Variants in USH1G observed in about 807,000 individuals in gnomAD.
USH1G encodes the protein USH1 protein network component sans, also known as pre-mRNA splicing regulator USH1G.
Under a neutral mutation model 31.9 loss-of-function variants are expected in USH1G, and 27 were observed. The observed-to-expected ratio is 0.85, with a 90% CI of 0.62 to 1.17. The LOEUF (loss-of-function observed/expected upper bound fraction) is 1.17. Ranked by LOEUF, USH1G falls within the 50% of genes most tolerant of loss-of-function variation. USH1G has a pLI of 0.00. For missense variants in USH1G, 674 were observed against 638.9 expected, an observed-to-expected ratio of 1.05 and a Z score of -0.59; for synonymous variants, 266 against 283.2, an observed-to-expected ratio of 0.94 and a Z score of 0.61.
Position 74,920,731 on chromosome 17 carries a change from G to A in USH1G, c.165-60C>T. The A allele has an allele frequency of 1.9e-6, 3 of 1,602,616 alleles. No individual in the cohort carries two copies. The highest frequency in any genetic ancestry group is 2.6e-6 in the Non-Finnish European group (3 of 1,173,666). On this transcript the variant is annotated intron_variant, in intron 1 of 2. Transcript: ENST00000614341. The surrounding 1 kb of genome is among the most constrained non-coding windows in gnomAD (Gnocchi z 5.2). ...AGTCCTGGCTGGGGATGGAGGTGGA[G>A]GGAGTGGAGGGGGGAGGGGAGCTTC...
rs1221920002 is a variant in USH1G at position 74,916,636 on chromosome 17, G to T, written c.*1437C>A. On this transcript the variant is annotated 3_prime_UTR_variant, in exon 3 of 3. Coordinates refer to ENST00000614341, the MANE Select transcript of USH1G (RefSeq NM_173477.5). ...CAAAGGGGCGCACACGTGTCAGCGG[G>T]CTCATCAGGGACTCTCCCACATCTG... 6.6e-6 allele frequency: 1 copy of T among 152,266 alleles called. No homozygotes were observed. Among genetic ancestry groups the T allele is most frequent in the Non-Finnish European group, 1.5e-5 (1 of 68,090 alleles). 9.4% of individuals were successfully genotyped at this position (152,266 alleles called of 1,614,324 possible).
Position 74,920,569 on chromosome 17 carries a change from G to T in USH1G, c.267C>A (p.Ala89=), listed in dbSNP as rs1450495091. 1 of 1,613,824 alleles carries T rather than the reference G, an allele frequency of 6.2e-7. No individual in the cohort carries two copies. The highest frequency in any genetic ancestry group is 1.7e-5 in the Admixed American group (1 of 60,024). Residue 89 remains alanine (A), a synonymous_variant, in exon 2 of 3, where the codon GCC becomes GCA. Coordinates refer to ENST00000614341, the MANE Select transcript of USH1G (RefSeq NM_173477.5). This position sits in a 1 kb window ranked among gnomAD's most constrained non-coding sequence, Gnocchi z 5.2. ...HCLSFLVSFG[A]NIWCLDNDYH... is the part of the protein sequence containing the mutation. Reference sequence around the variant, plus strand: ...AGTCGTTGTCTAGGCACCAGATGTTGGCTCCGAAGGACACCAGGAAGGACA... The same window carrying T: ...AGTCGTTGTCTAGGCACCAGATGTTTGCTCCGAAGGACACCAGGAAGGACA...
chr17:74,923,091 G>A lies in USH1G; in HGVS notation c.-18C>T, dbSNP rs1272530288. ...TCGTTCATGGCGCCCGAAGTGGACG[G>A]GGCGGGCGGGGGACACGGAGAAAGG... On this transcript the variant is annotated 5_prime_UTR_variant, in exon 1 of 3. Transcript: ENST00000614341. The surrounding 1 kb of genome is among the most constrained non-coding windows in gnomAD (Gnocchi z 5.3). The A allele has an allele frequency of 6.4e-7, 1 of 1,561,158 alleles. No homozygotes were observed. Among genetic ancestry groups the A allele is most frequent in the African/African-American group, 1.4e-5 (1 of 74,026 alleles).
In USH1G at chr17:74,917,838, C is replaced by T. The variant is rs1041163836; in HGVS notation, c.*235G>A. The T allele has an allele frequency of 3.3e-6, 2 of 598,014 alleles. No homozygotes were observed. The highest frequency in any genetic ancestry group is 1.9e-5 in the African/African-American group (1 of 53,722). 37.0% of individuals were successfully genotyped at this position (598,014 alleles called of 1,614,324 possible). A position where few individuals can be genotyped will look rare whatever the true frequency, so the allele number is the denominator to read the frequency against. ...TTACGGCTGCTCAGAATGGGTGGCTCAGGGCCTTCAAGACCCCTCAGAACT... is the reference window on the plus strand; with the variant it reads ...TTACGGCTGCTCAGAATGGGTGGCTTAGGGCCTTCAAGACCCCTCAGAACT... On this transcript the variant is annotated 3_prime_UTR_variant, in exon 3 of 3. Transcript: ENST00000614341.
At position 74,918,077 on chromosome 17, in the gene USH1G, C is replaced by G. The variant is rs779827463; in HGVS notation, c.1383-1G>C. ...TCTGGGGAGAGGAGCCCCCGGTTAT[C>G]TGTGGAGGAAGAGACAGAAAGAAAC... is the stretch of plus-strand genomic sequence containing the variant. On this transcript the variant is annotated splice_acceptor_variant, in intron 2 of 2. Transcript: ENST00000614341. LOFTEE classifies it high-confidence loss of function. The surrounding 1 kb of genome is among the most constrained non-coding windows in gnomAD (Gnocchi z 4.1). The G allele has an allele frequency of 6.2e-7, 1 of 1,614,110 alleles. No homozygotes were observed. Among genetic ancestry groups the G allele is most frequent in the Admixed American group, 1.7e-5 (1 of 60,010 alleles).
At position 74,923,139 on chromosome 17, in the gene USH1G, G is replaced by A; in HGVS notation, c.-66C>T. On this transcript the variant is annotated 5_prime_UTR_variant, in exon 1 of 3. Transcript: ENST00000614341. This position sits in a 1 kb window ranked among gnomAD's most constrained non-coding sequence, Gnocchi z 5.3. Reference sequence around the variant, plus strand: ...AGGCCCCCCGCAGGGGAGGGCGGCGGTATTAGGGCTGAGGCATGAGGTTGG... The same window carrying A: ...AGGCCCCCCGCAGGGGAGGGCGGCGATATTAGGGCTGAGGCATGAGGTTGG... The A allele has an allele frequency of 6.8e-7, 1 of 1,469,718 alleles. No homozygotes were observed. Among genetic ancestry groups the A allele is most frequent in the South Asian group, 1.3e-5 (1 of 75,644 alleles). The allele number at this position is 1,469,718 out of a possible 1,614,324, so 91.0% of individuals were successfully genotyped here.
In USH1G at chr17:74,920,821, G is replaced by A. The variant is rs1280759383; in HGVS notation, c.165-150C>T. 4.2e-6 allele frequency: 5 copies of A among 1,203,664 alleles called. No homozygotes were observed. In the Admixed American group the frequency reaches 8.7e-5, roughly 21 times the overall value. 74.6% of individuals were successfully genotyped at this position (1,203,664 alleles called of 1,614,324 possible). A position where few individuals can be genotyped will look rare whatever the true frequency, so the allele number is the denominator to read the frequency against. On this transcript the variant is annotated intron_variant, in intron 1 of 2. Coordinates refer to ENST00000614341, the MANE Select transcript of USH1G (RefSeq NM_173477.5). The surrounding 1 kb of genome is among the most constrained non-coding windows in gnomAD (Gnocchi z 5.2). ...AGATCTCTCCCACTCCAGGAGACCT[G>A]CAGGCCTGAGCCACCCAACAGGTGA...
chr17:74,922,584 C>G (rs879857915), intron 1 of USH1G, among the ~76,000 whole-genome samples: 1 of 152,014 alleles, frequency 6.6e-6, no homozygotes, highest in Non-Finnish European at 1.5e-5. Context: ...ACCTTCTCTC[C>G]GAGTCTCACT....
At position 74,920,820 on chromosome 17, in the gene USH1G, T is replaced by C. The variant is rs2038934389; in HGVS notation, c.165-149A>G. 2.4e-6 allele frequency: 3 copies of C among 1,260,752 alleles called. No individual in the cohort carries two copies. The highest frequency in any genetic ancestry group is 2.1e-5 in the Admixed American group (1 of 47,026). The allele number at this position is 1,260,752 out of a possible 1,614,324, so 78.1% of individuals were successfully genotyped here. A position where few individuals can be genotyped will look rare whatever the true frequency, so the allele number is the denominator to read the frequency against. On this transcript the variant is annotated intron_variant, in intron 1 of 2. Coordinates refer to ENST00000614341, the MANE Select transcript of USH1G (RefSeq NM_173477.5). The surrounding 1 kb of genome is among the most constrained non-coding windows in gnomAD (Gnocchi z 5.2). Reference sequence around the variant, plus strand: ...GAGATCTCTCCCACTCCAGGAGACCTGCAGGCCTGAGCCACCCAACAGGTG... The same window carrying C: ...GAGATCTCTCCCACTCCAGGAGACCCGCAGGCCTGAGCCACCCAACAGGTG...
chr17:74,922,289 C>T (rs1431122887), intron 1 of USH1G, among the ~76,000 whole-genome samples: 1 of 151,684 alleles, frequency 6.6e-6, no homozygotes, highest in Non-Finnish European at 1.5e-5. Context: ...AGAGAAGCCC[C>T]TTCAGGGTGA....
Position 74,917,699 on chromosome 17 carries a change from G to T in USH1G, c.*374C>A. 1 of 329,330 alleles carries T rather than the reference G, an allele frequency of 3.0e-6. No homozygotes were observed. The highest frequency in any genetic ancestry group is 5.8e-6 in the Non-Finnish European group (1 of 172,180). The allele number at this position is 329,330 out of a possible 1,614,324, so 20.4% of individuals were successfully genotyped here. ...AGACCATCAGGGGAGGGGTGGGAGA[G>T]GCCACGGCGCCCGGGACAGGTGCAC... is the stretch of plus-strand genomic sequence containing the variant. On this transcript the variant is annotated 3_prime_UTR_variant, in exon 3 of 3. Coordinates refer to ENST00000614341, the MANE Select transcript of USH1G (RefSeq NM_173477.5).
In USH1G at chr17:74,918,411, G is replaced by A. The variant is rs922840572; in HGVS notation, c.1383-335C>T. The stretch of plus-strand genomic sequence containing the variant: ...GCATGACCATTGTGGTGGCAGCCTT[G>A]GGCAACTATGACGGCCTTTGGAACA... On this transcript the variant is annotated intron_variant, in intron 2 of 2. Coordinates refer to ENST00000614341, the MANE Select transcript of USH1G (RefSeq NM_173477.5). The surrounding 1 kb of genome is among the most constrained non-coding windows in gnomAD (Gnocchi z 4.1). 6.6e-6 allele frequency among the ~76,000 whole-genome samples: 1 copy of A among 152,212 alleles called. No homozygotes were observed. The highest frequency in any genetic ancestry group is 1.5e-5 in the Non-Finnish European group (1 of 68,042).
In USH1G at chr17:74,919,436, G is replaced by A. The variant is rs368389700; in HGVS notation, c.1382+18C>T. On this transcript the variant is annotated intron_variant, in intron 2 of 2. Transcript: ENST00000614341. The surrounding 1 kb of genome is among the most constrained non-coding windows in gnomAD (Gnocchi z 4.5). ...CAACTCCTGCTCCTCCATCCCCCCC[G>A]CCAGGCTGGACACTCACAGCTCTGT... 2.8e-4 allele frequency: 371 copies of A among 1,339,936 alleles called. No individual in the cohort carries two copies. Among genetic ancestry groups the A allele is most frequent in the Non-Finnish European group, 3.4e-4 (352 of 1,031,740 alleles). 83.0% of individuals were successfully genotyped at this position (1,339,936 alleles called of 1,614,324 possible).
At position 74,919,322 on chromosome 17, in the gene USH1G, G is replaced by A. The variant is rs77815441; in HGVS notation, c.1382+132C>T. On this transcript the variant is annotated intron_variant, in intron 2 of 2. Coordinates refer to ENST00000614341, the MANE Select transcript of USH1G (RefSeq NM_173477.5). This position sits in a 1 kb window ranked among gnomAD's most constrained non-coding sequence, Gnocchi z 4.5. ...TAAAATAAGGGTGCCTTTTATCATCGATGGCCTCATTTCGATTTTATGAAA... is the reference window on the plus strand; with the variant it reads ...TAAAATAAGGGTGCCTTTTATCATCAATGGCCTCATTTCGATTTTATGAAA... 980 of 1,370,926 alleles carry A rather than the reference G, an allele frequency of 7.1e-4. 10 individuals carry two copies. The East Asian group carries it at 0.021, about 30-fold the overall frequency. 84.9% of individuals were successfully genotyped at this position (1,370,926 alleles called of 1,614,324 possible). A position where few individuals can be genotyped will look rare whatever the true frequency, so the allele number is the denominator to read the frequency against.
At position 74,920,534 on chromosome 17, in the gene USH1G, G is replaced by A. The variant is rs1342493428; in HGVS notation, c.302C>T (p.Pro101Leu). 1 of 1,613,746 alleles carries A rather than the reference G, an allele frequency of 6.2e-7. No individual in the cohort carries two copies. Among genetic ancestry groups the A allele is most frequent in the Non-Finnish European group, 8.5e-7 (1 of 1,180,036 alleles). The part of the protein sequence containing the change: ...IWCLDNDYHT[P>L]LDMAAMKGHM... ...GCCCTTCATGGCAGCCATGTCCAGCGGCGTGTGGTAGTCGTTGTCTAGGCA... is the reference window on the plus strand; with the variant it reads ...GCCCTTCATGGCAGCCATGTCCAGCAGCGTGTGGTAGTCGTTGTCTAGGCA... Residue 101 changes from proline (P) to leucine (L), a missense_variant, in exon 2 of 3, where the codon CCG (proline) becomes CTG (leucine). Pro to Leu is a moderately conservative substitution (Grantham distance 98). Coordinates refer to ENST00000614341, the MANE Select transcript of USH1G (RefSeq NM_173477.5). This position sits in a 1 kb window ranked among gnomAD's most constrained non-coding sequence, Gnocchi z 5.2.
Position 74,918,090 on chromosome 17 carries a change from G to C in USH1G, c.1383-14C>G. 1 of 1,613,976 alleles carries C rather than the reference G, an allele frequency of 6.2e-7. No individual in the cohort carries two copies. The highest frequency in any genetic ancestry group is 8.5e-7 in the Non-Finnish European group (1 of 1,179,948). On this transcript the variant is annotated splice_polypyrimidine_tract_variant and intron_variant, in intron 2 of 2. Coordinates refer to ENST00000614341, the MANE Select transcript of USH1G (RefSeq NM_173477.5). The surrounding 1 kb of genome is among the most constrained non-coding windows in gnomAD (Gnocchi z 4.1). ...GCCCCCGGTTATCTGTGGAGGAAGAGACAGAAAGAAACAGATCTCACATGA... is the reference window on the plus strand; with the variant it reads ...GCCCCCGGTTATCTGTGGAGGAAGACACAGAAAGAAACAGATCTCACATGA...
In USH1G at chr17:74,918,805, T is replaced by A. The variant is rs1165221569; in HGVS notation, c.1382+649A>T. On this transcript the variant is annotated intron_variant, in intron 2 of 2. Coordinates refer to ENST00000614341, the MANE Select transcript of USH1G (RefSeq NM_173477.5). This position sits in a 1 kb window ranked among gnomAD's most constrained non-coding sequence, Gnocchi z 4.1. ...AGCCTGGATGACAAGAGGGAAACTGTCTCAAAAAAAAAAAAAAAAAAATCT... is the reference window on the plus strand; with the variant it reads ...AGCCTGGATGACAAGAGGGAAACTGACTCAAAAAAAAAAAAAAAAAAATCT... 1.9e-4 allele frequency among the ~76,000 whole-genome samples: 27 copies of A among 139,332 alleles called. No individual in the cohort carries two copies. The highest frequency in any genetic ancestry group is 1.0e-3 in the East Asian group (5 of 4,964). 91.4% of individuals were successfully genotyped at this position (139,332 alleles called of 152,430 possible).
chr17:74,920,990 G>A lies in USH1G; in HGVS notation c.165-319C>T, dbSNP rs1290665803. 1.3e-5 allele frequency among the ~76,000 whole-genome samples: 2 copies of A among 152,200 alleles called. No individual in the cohort carries two copies. The highest frequency in any genetic ancestry group is 2.4e-5 in the African/African-American group (1 of 41,448). ...TGAATATTTGATGCCCTGAGAGAAG[G>A]GAGTAAATTATTGATGGGGCCCAGC... On this transcript the variant is annotated intron_variant, in intron 1 of 2. Transcript: ENST00000614341. The surrounding 1 kb of genome is among the most constrained non-coding windows in gnomAD (Gnocchi z 5.2).
In USH1G at chr17:74,918,971, G is replaced by A. The variant is rs527906354; in HGVS notation, c.1382+483C>T. On this transcript the variant is annotated intron_variant, in intron 2 of 2. Transcript: ENST00000614341. The surrounding 1 kb of genome is among the most constrained non-coding windows in gnomAD (Gnocchi z 4.1). ...TGCTGAGCAGCAGCAGGACCTTGAG[G>A]TGAGCTATTCTAACTGTCTGAGCCT... Among the ~76,000 whole-genome samples the A allele has an allele frequency of 1.3e-5, 2 of 152,296 alleles. No individual in the cohort carries two copies. Among genetic ancestry groups the A allele is most frequent in the African/African-American group, 4.8e-5 (2 of 41,564 alleles).
Sources: allele counts gnomAD v4.1 joint callset (sites outside exome capture counted in the v4.1 genomes callset), GRCh38; gene constraint gnomAD v4.1.1; non-coding constraint Gnocchi (gnomAD v3.1); transcripts MANE v1.5; gene names NCBI Gene and HGNC (gene_info 2026-07-23, HGNC 2026-07-21).